Variants in CFAP70 observed in about 807,000 individuals in gnomAD.
The protein encoded by CFAP70 is cilia and flagella associated protein 70.
Under a neutral mutation model 137.6 loss-of-function variants are expected in CFAP70, and 81 were observed. The ratio of observed to expected loss-of-function variants is 0.59; its 90% CI spans 0.49 to 0.71. The LOEUF (loss-of-function observed/expected upper bound fraction) is 0.71, where lower values mean the gene tolerates loss of function less well. Among genes scored for constraint, CFAP70 ranks in the 30% least tolerant of loss-of-function variants. The pLI is 0.00. For missense variants in CFAP70, 976 were observed against 1,226.7 expected (o/e 0.80, Z 3.05); for synonymous variants, 382 against 423.6 (o/e 0.90, Z 1.20).
chr10:73,338,922 CTT>C (rs879821090), intron 6 of CFAP70, among the ~76,000 whole-genome samples: 24 of 138,244 alleles, frequency 1.7e-4, no homozygotes, highest in Admixed American at 1.5e-4. Context: ...GATCACTATA[CTT>C]TTTTTTTTTT....
chr10:73,277,513 G>A (rs2046860912), intron 20 of CFAP70, 152 bp from the exon 22 acceptor site: 1 of 701,384 alleles, frequency 1.4e-6, no homozygotes, highest in South Asian at 2.0e-5. Context: ...AGGAGTTCGA[G>A]ACCATCCTGG....
In CFAP70 at chr10:73,348,200, G is replaced by C. The variant is rs1161405439; in HGVS notation, c.349+223C>G. ...GTTTCTAAGGGTGAGCCTTGCACAG[G>C]GTGCAATGGAACTGTTGTTTGAAAT... is the stretch of plus-strand genomic sequence containing the variant. On this transcript the variant is annotated intron_variant, in intron 4 of 26. Coordinates refer to ENST00000310715, the Ensembl canonical transcript of CFAP70. 3 of 1,614,028 alleles carry C rather than the reference G, an allele frequency of 1.9e-6. No individual in the cohort carries two copies. The African/African-American group carries it at 4.0e-5, about 22-fold the overall frequency.
At chr10:73,324,093 G>C (rs1170423450) in intron 8 of CFAP70, among the ~76,000 whole-genome samples, 3 of 152,132 alleles carry the variant, frequency 2.0e-5, no homozygotes, top group Admixed American at 6.5e-5. Context: ...CCCTAGTAGG[G>C]GCAGACTGAC....
intron 1 of CFAP70, among the ~76,000 whole-genome samples, chr10:73,355,910 G>A (rs1296964546): frequency 6.6e-6 from 1 of 152,134 alleles, no homozygotes; most frequent in Non-Finnish European, 1.5e-5. Context: ...CTGGTCCCTG[G>A]TGCCAAAAAG....
At chr10:73,349,801 T>C (rs78887973) in intron 3 of CFAP70, among the ~76,000 whole-genome samples, 350 of 152,366 alleles carry the variant, frequency 2.3e-3, no homozygotes, top group African/African-American at 8.2e-3. Context: ...TGCTTCATCA[T>C]GTGTAGCTTT....
chr10:73,277,280 A>G (rs1477622152), exon 21 of CFAP70: 1 of 1,614,108 alleles, frequency 6.2e-7, no homozygotes, highest in Admixed American at 1.7e-5. Context: ...TATGGTCTCC[A>G]TGAAGATGGT....
At chr10:73,266,898 AT>A (rs58335903) in intron 25 of CFAP70, among the ~76,000 whole-genome samples, 15,924 of 151,702 alleles carry the variant, frequency 0.1, 1,187 homozygotes, top group East Asian at 0.29. Context: ...ACTCCTTATC[AT>A]TTTCTCAATT....
At chr10:73,277,091 T>G (rs186606696) in intron 21 of CFAP70, 149 bp downstream of exon 22, 410 of 967,828 alleles carry the variant, frequency 4.2e-4, no homozygotes, top group South Asian at 1.2e-3. Flanking sequence ...CATGTTTGGA[T>G]GTTCTTTCCA....
Position 73,334,878 on chromosome 10 carries a change from G to A in CFAP70, c.677+552C>T, listed in dbSNP as rs570976501. 7.6e-5 allele frequency among the ~76,000 whole-genome samples: 11 copies of A among 145,388 alleles called. No homozygotes were observed. The East Asian group carries it at 2.1e-3, about 28-fold the overall frequency. On this transcript the variant is annotated intron_variant, in intron 7 of 26. Coordinates refer to ENST00000310715, the Ensembl canonical transcript of CFAP70. The stretch of plus-strand genomic sequence containing the variant: ...CAGTTGTGAGCCATTGCACCTGGCC[G>A]AGTTTTTTTTTTTTTTTTTTTAAGA...
intron 8 of CFAP70, among the ~76,000 whole-genome samples, chr10:73,325,826 C>G (rs1485173620): frequency 1.3e-4 from 20 of 151,912 alleles, no homozygotes; most frequent in Non-Finnish European, 1.9e-4. Flanking sequence ...GGAGCACCCA[C>G]ATTCATAAAG....
intron 18 of CFAP70, 39 bp from the exon 20 acceptor site, chr10:73,291,483 TC>T: frequency 6.3e-7 from 1 of 1,584,046 alleles, no homozygotes; most frequent in East Asian, 2.2e-5. Flanking sequence ...ATGACTATTT[TC>T]CCACTATCAT....
At chr10:73,353,362 T>C (rs935291831) in intron 3 of CFAP70, among the ~76,000 whole-genome samples, 194 bp downstream of exon 3, 2 of 152,196 alleles carry the variant, frequency 1.3e-5, no homozygotes, top group Non-Finnish European at 2.9e-5. Flanking sequence ...CACTAACACA[T>C]ACACACCAAT....
At chr10:73,273,073 G>T in intron 23 of CFAP70, 56 bp from the exon 25 acceptor site, 3 of 1,309,756 alleles carry the variant, frequency 2.3e-6, no homozygotes, top group Non-Finnish European at 2.2e-6. Context: ...ACCCCATATT[G>T]CTGGGATGAT....
In CFAP70 at chr10:73,353,553, T is replaced by C. The variant is rs1262311258; in HGVS notation, c.250+3A>G. The C allele has an allele frequency of 6.2e-7, 1 of 1,613,182 alleles. No homozygotes were observed. Among genetic ancestry groups the C allele is most frequent in the East Asian group, 2.2e-5 (1 of 44,864 alleles). On this transcript the variant is annotated splice_donor_region_variant and intron_variant, in intron 3 of 26. Coordinates refer to ENST00000310715, the Ensembl canonical transcript of CFAP70. ...ATTGATTTTTAGAACCACAAGGACT[T>C]ACAGAACACAGGTTTGTGAGCGAGG...
At chr10:73,297,727 G>A (rs2048645590) in intron 14 of CFAP70, among the ~76,000 whole-genome samples, 1 of 152,180 alleles carries the variant, frequency 6.6e-6, no homozygotes, top group African/African-American at 2.4e-5. Context: ...ACAGCATGTT[G>A]CTATAGCCAG....
At chr10:73,351,039 GTATA>G (rs201514596) in intron 3 of CFAP70, among the ~76,000 whole-genome samples, 42 of 127,610 alleles carry the variant, frequency 3.3e-4, no homozygotes, top group African/African-American at 1.2e-3. Context: ...GTATATGTGT[GTATA>G]TATGTGTGTG....
intron 25 of CFAP70, among the ~76,000 whole-genome samples, chr10:73,261,027 A>C (rs2045116423): frequency 6.6e-6 from 1 of 152,238 alleles, no homozygotes; most frequent in East Asian, 1.9e-4. Context: ...AATCTGACAA[A>C]CTGTTTTCCA....
chr10:73,329,710 T>G (rs2051871619), intron 8 of CFAP70, among the ~76,000 whole-genome samples: 1 of 152,186 alleles, frequency 6.6e-6, no homozygotes, highest in South Asian at 2.1e-4. Context: ...CTTTTACCTT[T>G]AGTTCACAGA....
intron 6 of CFAP70, among the ~76,000 whole-genome samples, chr10:73,338,143 A>ATTTTT (rs550084202): frequency 2.3e-5 from 3 of 129,696 alleles, no homozygotes; most frequent in South Asian, 2.5e-4. Flanking sequence ...ATATATGCGG[A>ATTTTT]TTTTTTTTTT....
Sources: allele counts gnomAD v4.1 joint callset (sites outside exome capture counted in the v4.1 genomes callset), GRCh38; gene constraint gnomAD v4.1.1; transcripts MANE v1.5; gene names NCBI Gene and HGNC (gene_info 2026-07-23, HGNC 2026-07-21).